Variants in AFG2A observed in about 807,000 individuals in gnomAD.
AFG2A encodes ATPase family gene 2 protein homolog A.
the AFG2A span, among the ~76,000 whole-genome samples, chr4:123,033,655 T>G: frequency 4.8e-3 from 735 of 152,276 alleles, 9 homozygotes; most frequent in African/African-American, 0.017. Context: ...AGCTTAAAAT[T>G]TACCTGTTAG....
the AFG2A span, among the ~76,000 whole-genome samples, chr4:122,990,229 G>A: frequency 6.6e-5 from 10 of 152,156 alleles, no homozygotes; most frequent in Non-Finnish European, 1.3e-4. Flanking sequence ...CTTAGCTGTT[G>A]TGAAGGTATT....
the AFG2A span, among the ~76,000 whole-genome samples, chr4:123,054,414 A>G: frequency 2.0e-5 from 1 of 50,408 alleles, no homozygotes; most frequent in Non-Finnish European, 6.3e-5. Flanking sequence ...TATATTGAGC[A>G]TCCTTTTTTT....
At chr4:123,053,331 G>T in the AFG2A span, among the ~76,000 whole-genome samples, 6 of 152,232 alleles carry the variant, frequency 3.9e-5, no homozygotes. Context: ...TACTCCGGCT[G>T]CGTGGAAATG....
At chr4:123,186,229 A>C in the AFG2A span, among the ~76,000 whole-genome samples, 2 of 152,246 alleles carry the variant, frequency 1.3e-5, no homozygotes, top group African/African-American at 4.8e-5. Flanking sequence ...TATTTTGGAA[A>C]TAGATCATTT....
chr4:123,175,800 T>C, the AFG2A span, among the ~76,000 whole-genome samples: 4 of 152,200 alleles, frequency 2.6e-5, no homozygotes, highest in African/African-American at 9.7e-5. Flanking sequence ...TGTGGAACGT[T>C]CTGTAACAGA....
the AFG2A span, among the ~76,000 whole-genome samples, chr4:122,980,780 A>G: frequency 6.6e-6 from 1 of 152,042 alleles, no homozygotes; most frequent in Non-Finnish European, 1.5e-5. Context: ...CCAGTTAGCC[A>G]TTTGTACGTC....
At chr4:123,140,661 C>T in the AFG2A span, among the ~76,000 whole-genome samples, 1 of 152,012 alleles carries the variant, frequency 6.6e-6, no homozygotes, top group East Asian at 1.9e-4. Flanking sequence ...TCACATTGCT[C>T]TATGTGTATT....
the AFG2A span, among the ~76,000 whole-genome samples, chr4:123,166,580 T>C: frequency 6.6e-6 from 1 of 152,158 alleles, no homozygotes; most frequent in South Asian, 2.1e-4. Context: ...ATACTTTTGA[T>C]AGGGGATGCT....
At chr4:123,008,629 CT>C in the AFG2A span, among the ~76,000 whole-genome samples, 1 of 152,078 alleles carries the variant, frequency 6.6e-6, no homozygotes, top group African/African-American at 2.4e-5. Flanking sequence ...TAGAGAACTG[CT>C]TTGCAGTTTT....
chr4:122,991,222 A>C, the AFG2A span, among the ~76,000 whole-genome samples: 1 of 152,162 alleles, frequency 6.6e-6, no homozygotes, highest in Admixed American at 6.6e-5. Flanking sequence ...TGCAGGCTTT[A>C]AGTCTGTGCC....
the AFG2A span, among the ~76,000 whole-genome samples, chr4:122,933,800 G>T: frequency 1.3e-3 from 198 of 152,154 alleles, 1 homozygote; most frequent in Non-Finnish European, 2.3e-3. Context: ...GTGTTGGTTT[G>T]GGTGTGCCAT....
chr4:122,950,332 CATT>C, the AFG2A span, among the ~76,000 whole-genome samples: 2 of 139,660 alleles, frequency 1.4e-5, no homozygotes, highest in South Asian at 4.4e-4. Flanking sequence ...GAGCCCTAGT[CATT>C]GTTAATTTTT....
chr4:123,095,048 T>A, the AFG2A span, among the ~76,000 whole-genome samples: 29,831 of 78,390 alleles, frequency 0.38, 6,428 homozygotes, highest in Non-Finnish European at 0.54. Context: ...AAAAAATATA[T>A]ATATATATAT....
the AFG2A span, among the ~76,000 whole-genome samples, chr4:123,143,832 T>TC: frequency 9.9e-5 from 1 of 10,064 alleles, no homozygotes. Context: ...CTTCTCTCTC[T>TC]TTTTTTTTTT....
the AFG2A span, among the ~76,000 whole-genome samples, chr4:123,239,727 G>A: frequency 6.6e-6 from 1 of 152,282 alleles, no homozygotes; most frequent in South Asian, 2.1e-4. Flanking sequence ...GCAAAAACAT[G>A]CCAAATTGTA....
chr4:123,314,303 A>G, the AFG2A span: 4 of 303,656 alleles, frequency 1.3e-5, no homozygotes, highest in Non-Finnish European at 1.8e-5. Context: ...TAAAAAACAA[A>G]TGTTTAGCTT....
chr4:123,181,102 A>G, the AFG2A span, among the ~76,000 whole-genome samples: 1 of 150,914 alleles, frequency 6.6e-6, no homozygotes, highest in Non-Finnish European at 1.5e-5. Context: ...CTTCTGCCTC[A>G]GCCTCCCAAG....
chr4:122,981,999 T>C, the AFG2A span, among the ~76,000 whole-genome samples: 1 of 152,110 alleles, frequency 6.6e-6, no homozygotes, highest in Non-Finnish European at 1.5e-5. Flanking sequence ...TTATTTCTTT[T>C]TCTTGCCTAA....
the AFG2A span, among the ~76,000 whole-genome samples, chr4:122,957,393 A>G: frequency 6.6e-6 from 1 of 152,332 alleles, no homozygotes; most frequent in East Asian, 1.9e-4. Flanking sequence ...TACCAGTTTG[A>G]TTAGTAGTGT....
Sources: allele counts gnomAD v4.1 joint callset (sites outside exome capture counted in the v4.1 genomes callset), GRCh38; gene constraint gnomAD v4.1.1; transcripts MANE v1.5; gene names NCBI Gene and HGNC (gene_info 2026-07-23, HGNC 2026-07-21).